The following TRAPPC9 variants were observed in gnomAD, a reference collection of about 807,000 sequenced individuals.
TRAPPC9 encodes the protein trafficking protein particle complex subunit 9.
A neutral mutation model predicts 124.0 loss-of-function variants in TRAPPC9; 83 were observed. The observed-to-expected ratio is 0.67, with a 90% CI of 0.56 to 0.80. TRAPPC9 has a LOEUF of 0.80. Among genes scored for constraint, TRAPPC9 ranks in the 30% least tolerant of loss-of-function variants. The pLI is 0.00. For synonymous variants in TRAPPC9, 638 were observed against 617.5 expected, an observed-to-expected ratio of 1.03 and a Z score of -0.49; for missense variants, 1,302 against 1,508.3, an observed-to-expected ratio of 0.86 and a Z score of 2.27.
At chr8:139,835,386 G>A (rs993877119) in intron 21 of TRAPPC9, among the ~76,000 whole-genome samples, 6 of 152,254 alleles carry the variant, frequency 3.9e-5, no homozygotes, top group Admixed American at 2.0e-4. Context: ...GCTGCTCTGC[G>A]ACTCTGCAGC....
chr8:140,286,732 G>A (rs1014589585), intron 13 of TRAPPC9, among the ~76,000 whole-genome samples: 2 of 152,116 alleles, frequency 1.3e-5, no homozygotes, highest in Non-Finnish European at 2.9e-5. Flanking sequence ...TATTATATGC[G>A]AGGCGCCCAG....
At chr8:139,757,299 G>A (rs1819905218) in intron 21 of TRAPPC9, among the ~76,000 whole-genome samples, 1 of 144,806 alleles carries the variant, frequency 6.9e-6, no homozygotes, top group Non-Finnish European at 1.5e-5. Flanking sequence ...TTGGGGATGA[G>A]GACAGCAGGT....
chr8:140,221,524 G>T lies in TRAPPC9; in HGVS notation c.2491C>A (p.Arg831=). The T allele has an allele frequency of 1.2e-6, 2 of 1,614,106 alleles. No homozygotes were observed. The highest frequency in any genetic ancestry group is 1.7e-6 in the Non-Finnish European group (2 of 1,180,006). The part of the protein sequence containing the change: ...SSPFRQVVRP[R]VEGKPVNPPE... ...GGGTTCACAGGTTTGCCCTCCACTC[G>T]GGGCCGAACGACCTGCCGAAAAGGA... Residue 831 remains arginine, a synonymous_variant, in exon 17 of 23, where the codon CGA becomes AGA. Coordinates refer to ENST00000438773, the MANE Select transcript of TRAPPC9 (RefSeq NM_001160372.4).
chr8:140,141,791 GC>G (rs2061385625), intron 17 of TRAPPC9, among the ~76,000 whole-genome samples: 1 of 152,222 alleles, frequency 6.6e-6, no homozygotes, highest in African/African-American at 2.4e-5. Context: ...CCGGCGGGCG[GC>G]AGTGGCTACC....
intron 21 of TRAPPC9, among the ~76,000 whole-genome samples, chr8:139,833,488 C>T (rs1350319702): frequency 2.0e-5 from 3 of 152,310 alleles, no homozygotes; most frequent in Non-Finnish European, 2.9e-5. Flanking sequence ...GAGCTGGTCA[C>T]GAAGAATCCG....
rs1003005493 is a variant in TRAPPC9, at chr8:139,960,906, T to C, written c.2810+27820A>G. Reference sequence around the variant, plus strand: ...AGGAGCCAGTAGGGACAAATAATGGTTGTTCGGTGGCTTAACCCCTAACGT... The same window carrying C: ...AGGAGCCAGTAGGGACAAATAATGGCTGTTCGGTGGCTTAACCCCTAACGT... On this transcript the variant is annotated intron_variant, in intron 19 of 22. Transcript: ENST00000438773. Among the ~76,000 whole-genome samples the C allele has an allele frequency of 2.6e-3, 331 of 125,402 alleles. 102 individuals carry two copies. The highest frequency in any genetic ancestry group is 5.7e-3 in the Non-Finnish European group (300 of 52,440). 82.3% of individuals were successfully genotyped at this position (125,402 alleles called of 152,430 possible).
chr8:140,290,800 T>C lies in TRAPPC9; in HGVS notation c.1854+193A>G, dbSNP rs553494199. Among the ~76,000 whole-genome samples the C allele has an allele frequency of 5.9e-5, 9 of 152,338 alleles. No homozygotes were observed. The East Asian group carries it at 7.7e-4, about 13-fold the overall frequency. On this transcript the variant is annotated intron_variant, in intron 12 of 22. Coordinates refer to ENST00000438773, the MANE Select transcript of TRAPPC9 (RefSeq NM_001160372.4). ...GTTTCTTTGTAGGTTCAAATATTTA[T>C]TGAAAACCAAGCCTAAAGACACAGG...
In TRAPPC9 at chr8:139,940,058, C is replaced by T. The variant is rs73369814; in HGVS notation, c.2811-29758G>A. Reference sequence around the variant, plus strand: ...ACCCTAGGCAGCCCAAATATACCTGCGAGCTGGACTGGGCCTGCTGGCCAC... The same window carrying T: ...ACCCTAGGCAGCCCAAATATACCTGTGAGCTGGACTGGGCCTGCTGGCCAC... On this transcript the variant is annotated intron_variant, in intron 19 of 22. Transcript: ENST00000438773. Among the ~76,000 whole-genome samples, 128 of 152,322 alleles carry T rather than the reference C, an allele frequency of 8.4e-4. 1 individual carries two copies. Among genetic ancestry groups the T allele is most frequent in the East Asian group, 5.0e-3 (26 of 5,188 alleles).
intron 7 of TRAPPC9, among the ~76,000 whole-genome samples, chr8:140,372,155 T>C (rs757434371): frequency 1.3e-4 from 20 of 152,196 alleles, no homozygotes; most frequent in Non-Finnish European, 2.5e-4. Context: ...CCAAGAAGTA[T>C]CAGGGACAAG....
At chr8:140,409,613 C>T (rs535756250) in intron 5 of TRAPPC9, among the ~76,000 whole-genome samples, 11 of 152,144 alleles carry the variant, frequency 7.2e-5, no homozygotes, top group Non-Finnish European at 1.2e-4. Context: ...TAGTGTGCCA[C>T]GCAGCTGTGA....
intron 21 of TRAPPC9, among the ~76,000 whole-genome samples, chr8:139,865,910 A>C (rs1563874890): frequency 1.3e-5 from 2 of 152,220 alleles, no homozygotes; most frequent in African/African-American, 4.8e-5. Context: ...GTCGGGGTGC[A>C]GCTTGGTTTT....
intron 19 of TRAPPC9, chr8:139,932,659 G>A (rs898048736): frequency 3.3e-5 from 13 of 389,336 alleles, no homozygotes; most frequent in Non-Finnish European, 6.2e-5. Context: ...AGCTACGTGG[G>A]AGGCTGAGGC....
intron 9 of TRAPPC9, among the ~76,000 whole-genome samples, chr8:140,325,908 A>C (rs923928908): frequency 7.9e-5 from 12 of 152,162 alleles, no homozygotes; most frequent in African/African-American, 2.4e-4. Flanking sequence ...AGACCCCCCC[A>C]AAAACACCAT....
rs561523713 is a variant in TRAPPC9, at chr8:140,443,805, G to A, written c.585-4608C>T. Among the ~76,000 whole-genome samples the A allele has an allele frequency of 7.9e-5, 12 of 152,070 alleles. No individual in the cohort carries two copies. The South Asian group carries it at 2.3e-3, about 29-fold the overall frequency. On this transcript the variant is annotated intron_variant, in intron 2 of 22. Coordinates refer to ENST00000438773, the MANE Select transcript of TRAPPC9 (RefSeq NM_001160372.4). Reference sequence around the variant, plus strand: ...TAATACCAGCATTCTGGGAGGCCGAGGCGGGCAGATCACCTGAGGTCAGGA... The same window carrying A: ...TAATACCAGCATTCTGGGAGGCCGAAGCGGGCAGATCACCTGAGGTCAGGA...
At chr8:139,792,959 A>G (rs998381968) in intron 21 of TRAPPC9, among the ~76,000 whole-genome samples, 1 of 152,210 alleles carries the variant, frequency 6.6e-6, no homozygotes, top group African/African-American at 2.4e-5. Flanking sequence ...AGTTCCACAG[A>G]GCAGCTCCTG....
chr8:140,158,559 C>T (rs941869867), intron 17 of TRAPPC9, among the ~76,000 whole-genome samples: 2 of 152,182 alleles, frequency 1.3e-5, no homozygotes, highest in Admixed American at 6.5e-5. Flanking sequence ...TTGTTTTAAG[C>T]CACTGAGTTT....
Position 139,760,800 on chromosome 8 carries a change from G to A in TRAPPC9, c.3056-28598C>T, listed in dbSNP as rs779436263. ...TTTTTAAAACCATTAGATCTTGTGA[G>A]ACCCACTCACTATGATGAGAACAGC... is the stretch of plus-strand genomic sequence containing the variant. On this transcript the variant is annotated intron_variant, in intron 21 of 22. Transcript: ENST00000438773. Among the ~76,000 whole-genome samples, 91 of 152,172 alleles carry A rather than the reference G, an allele frequency of 6.0e-4. 2 individuals carry two copies. The highest frequency in any genetic ancestry group is 3.3e-4 in the Admixed American group (5 of 15,278).
At position 140,241,425 on chromosome 8, in the gene TRAPPC9, G is replaced by A. The variant is rs988470108; in HGVS notation, c.2431+11352C>T. 9.2e-5 allele frequency among the ~76,000 whole-genome samples: 14 copies of A among 151,840 alleles called. No individual in the cohort carries two copies. The highest frequency in any genetic ancestry group is 2.0e-4 in the East Asian group (1 of 5,094). ...CAAAAATAAAAATTGGGCCAGGCGC[G>A]GTGGCACCCGCCTGTAATCCCAGCA... On this transcript the variant is annotated intron_variant, in intron 16 of 22. Transcript: ENST00000438773. This position sits in a 1 kb window ranked among gnomAD's most constrained non-coding sequence, Gnocchi z 5.0.
chr8:140,014,576 CT>C (rs141320582), intron 18 of TRAPPC9, among the ~76,000 whole-genome samples: 198 of 152,208 alleles, frequency 1.3e-3, no homozygotes, highest in African/African-American at 4.5e-3. Flanking sequence ...CACTCTCCCC[CT>C]AGGGAGTGCA....
Sources: gnomAD v4.1 joint callset for allele counts (sites outside exome capture counted in the v4.1 genomes callset) on GRCh38, gnomAD v4.1.1 for gene constraint, Gnocchi (gnomAD v3.1) non-coding constraint, MANE v1.5 for transcripts, NCBI Gene and HGNC (gene_info 2026-07-23, HGNC 2026-07-21) for gene names.